BABAM2: variants seen among roughly 807,000 people sequenced by gnomAD.
BABAM2 encodes the protein BRISC and BRCA1-A complex member 2.
A neutral mutation model predicts 54.7 loss-of-function variants in BABAM2; 31 were observed. That is an observed-to-expected ratio of 0.57 (90% CI 0.43 to 0.77). BABAM2 has a LOEUF of 0.77. BABAM2 is among the 30% of genes least tolerant of loss of function. The pLI, the probability that BABAM2 is intolerant of heterozygous loss-of-function variation, is 0.00. For synonymous variants in BABAM2, 167 were observed against 162.9 expected, an observed-to-expected ratio of 1.03 and a Z score of -0.19; for missense variants, 364 against 455.8, an observed-to-expected ratio of 0.80 and a Z score of 1.83.
chr2:27,994,303 T>C (rs1018753336), intron 4 of BABAM2, among the ~76,000 whole-genome samples: 2 of 152,254 alleles, frequency 1.3e-5, no homozygotes, highest in African/African-American at 4.8e-5. Flanking sequence ...ATGAATAATG[T>C]ATCTCTCTTA....
chr2:27,915,417 G>T (rs776933222), intron 2 of BABAM2, among the ~76,000 whole-genome samples: 12 of 152,166 alleles, frequency 7.9e-5, no homozygotes, highest in Non-Finnish European at 1.8e-4. Context: ...TCTGGAGCAT[G>T]ACTGTTATCC....
At chr2:28,024,088 A>C (rs928509977) in intron 4 of BABAM2, among the ~76,000 whole-genome samples, 3 of 152,134 alleles carry the variant, frequency 2.0e-5, no homozygotes, top group Non-Finnish European at 4.4e-5. Context: ...ATACTCAGTT[A>C]AAAAAACAAC....
chr2:28,010,689 A>G (rs1674322658), intron 4 of BABAM2, among the ~76,000 whole-genome samples: 1 of 152,186 alleles, frequency 6.6e-6, no homozygotes, highest in African/African-American at 2.4e-5. Flanking sequence ...TAATTGGCTT[A>G]GAGAACTTAA....
intron 10 of BABAM2, among the ~76,000 whole-genome samples, chr2:28,274,019 C>G (rs1685660731): frequency 6.6e-6 from 1 of 152,166 alleles, no homozygotes; most frequent in African/African-American, 2.4e-5. Context: ...GTGCCTTCAC[C>G]CTTGCTTATA....
chr2:28,007,678 A>G (rs149643331), intron 4 of BABAM2, among the ~76,000 whole-genome samples: 1 of 152,274 alleles, frequency 6.6e-6, no homozygotes, highest in Admixed American at 6.5e-5. Flanking sequence ...GACCTTGTCT[A>G]TTGAGCCATA....
At chr2:28,319,672 G>GC (rs1689859014) in intron 11 of BABAM2, among the ~76,000 whole-genome samples, 1 of 152,232 alleles carries the variant, frequency 6.6e-6, no homozygotes, top group South Asian at 2.1e-4. Flanking sequence ...AAGGATCGGT[G>GC]CCCCATGCTG....
At chr2:27,912,615 T>C (rs1310166086) in intron 2 of BABAM2, among the ~76,000 whole-genome samples, 1 of 152,180 alleles carries the variant, frequency 6.6e-6, no homozygotes, top group Non-Finnish European at 1.5e-5. Flanking sequence ...TTACTTTAGA[T>C]GATCTCTTTA....
At chr2:28,011,463 A>G (rs1022887854) in intron 4 of BABAM2, among the ~76,000 whole-genome samples, 15 of 152,144 alleles carry the variant, frequency 9.9e-5, no homozygotes, top group Non-Finnish European at 1.6e-4. Context: ...TTGTGTTACT[A>G]GGACATTGGT....
At chr2:27,893,557 T>G (rs1405073357) in intron 1 of BABAM2, among the ~76,000 whole-genome samples, 2 of 152,220 alleles carry the variant, frequency 1.3e-5, no homozygotes, top group African/African-American at 4.8e-5. Flanking sequence ...ACTCATTTAT[T>G]TATTAAAAAA....
At chr2:28,107,447 T>C (rs1667624353) in intron 6 of BABAM2, among the ~76,000 whole-genome samples, 1 of 152,204 alleles carries the variant, frequency 6.6e-6, no homozygotes, top group African/African-American at 2.4e-5. Flanking sequence ...CAGCTTTGTC[T>C]TTCACCCTTC....
At chr2:27,962,692 A>G (rs1487401660) in intron 3 of BABAM2, among the ~76,000 whole-genome samples, 1 of 152,254 alleles carries the variant, frequency 6.6e-6, no homozygotes, top group East Asian at 1.9e-4. Flanking sequence ...TCTTCAAGCT[A>G]CTATTTTGCT....
chr2:28,087,572 T>C (rs1351749771), intron 6 of BABAM2, among the ~76,000 whole-genome samples: 1 of 152,064 alleles, frequency 6.6e-6, no homozygotes, highest in Non-Finnish European at 1.5e-5. Context: ...CTTACACAGA[T>C]TTTTACTCCT....
At chr2:28,284,923 T>G (rs931757666) in intron 10 of BABAM2, among the ~76,000 whole-genome samples, 1 of 152,200 alleles carries the variant, frequency 6.6e-6, no homozygotes, top group Non-Finnish European at 1.5e-5. Flanking sequence ...ATATATTCAT[T>G]ATACCATGTA....
At chr2:27,903,859 T>G (rs1437225997) in intron 2 of BABAM2, among the ~76,000 whole-genome samples, 1 of 152,244 alleles carries the variant, frequency 6.6e-6, no homozygotes, top group African/African-American at 2.4e-5. Flanking sequence ...TCAGCATATT[T>G]TTTTTTAATT....
At chr2:28,009,427 A>G (rs1674230760) in intron 4 of BABAM2, among the ~76,000 whole-genome samples, 1 of 152,172 alleles carries the variant, frequency 6.6e-6, no homozygotes, top group Non-Finnish European at 1.5e-5. Flanking sequence ...ATTAATTATT[A>G]ATAAATGCTC....
chr2:27,929,846 C>T lies in BABAM2; in HGVS notation c.143C>T (p.Thr48Ile). ...ATTTTTTAAAGCTGCACATCATTGA[C>T]TCCTGGGCCCAACTGTGACCGATTT... The part of the protein sequence containing the change: ...TDLKSGCTSL[T>I]PGPNCDRFKL... Residue 48 changes from threonine (T) to isoleucine (I), a missense_variant, in exon 3 of 12, where the codon ACT becomes ATT. Thr to Ile is a moderately conservative substitution (Grantham distance 89). Transcript: ENST00000379624. 1.2e-6 allele frequency: 2 copies of T among 1,613,778 alleles called. No individual in the cohort carries two copies. Among genetic ancestry groups the T allele is most frequent in the Non-Finnish European group, 1.7e-6 (2 of 1,179,718 alleles).
chr2:27,929,638 G>C (rs1414085798), intron 2 of BABAM2, among the ~76,000 whole-genome samples, 194 bp from the exon 3 acceptor site: 1 of 152,176 alleles, frequency 6.6e-6, no homozygotes, highest in African/African-American at 2.4e-5. Flanking sequence ...TGAAATAAAT[G>C]AATTATTTGT....
intron 7 of BABAM2, among the ~76,000 whole-genome samples, chr2:28,222,524 C>G (rs961940958): frequency 2.6e-5 from 4 of 152,228 alleles, no homozygotes; most frequent in Admixed American, 6.5e-5. Context: ...GAGATAATAG[C>G]TATGGGCCAG....
At chr2:28,318,601 T>C (rs1157017588) in intron 11 of BABAM2, among the ~76,000 whole-genome samples, 2 of 152,222 alleles carry the variant, frequency 1.3e-5, no homozygotes, top group Non-Finnish European at 2.9e-5. Context: ...TTCCATCCTG[T>C]AGTAGTTAGC....
Sources: allele counts gnomAD v4.1 joint callset (sites outside exome capture counted in the v4.1 genomes callset), GRCh38; gene constraint gnomAD v4.1.1; transcripts MANE v1.5; gene names NCBI Gene and HGNC (gene_info 2026-07-23, HGNC 2026-07-21).